The following IQSEC3 variants were observed in gnomAD, a reference collection of about 807,000 sequenced individuals.
The protein encoded by IQSEC3 is IQ motif and SEC7 domain-containing protein 3.
In IQSEC3, 50 loss-of-function variants were observed where a neutral mutation model predicts 105.4. That is an observed-to-expected ratio of 0.47 (90% CI 0.38 to 0.60). The LOEUF (loss-of-function observed/expected upper bound fraction) is 0.60, where lower values mean the gene tolerates loss of function less well. Ranked by LOEUF, IQSEC3 falls within the 20% of genes least tolerant of loss-of-function variation. The pLI is 0.00. For synonymous variants in IQSEC3, 708 were observed against 746.0 expected, an observed-to-expected ratio of 0.95 and a Z score of 0.83; for missense variants, 1,415 against 1,630.0, an observed-to-expected ratio of 0.87 and a Z score of 2.27.
intron 11 of IQSEC3, among the ~76,000 whole-genome samples, chr12:168,451 CT>C (rs1555099176): frequency 6.6e-6 from 1 of 152,176 alleles, no homozygotes; most frequent in Non-Finnish European, 1.5e-5. Flanking sequence ...GGTGTCACCC[CT>C]GTCAGCAGGC....
intron 2 of IQSEC3, among the ~76,000 whole-genome samples, chr12:107,150 C>A (rs529991068): frequency 1.3e-5 from 2 of 152,340 alleles, no homozygotes; most frequent in South Asian, 4.1e-4. Context: ...TTAGCACCCT[C>A]AAGTTAAAGT....
chr12:79,821 C>A (rs537674618), intron 1 of IQSEC3, among the ~76,000 whole-genome samples: 3 of 152,158 alleles, frequency 2.0e-5, no homozygotes, highest in Non-Finnish European at 4.4e-5. Context: ...CTGCCCGCCC[C>A]CACACCTTCC....
At chr12:97,993 T>C (rs1435191552) in intron 1 of IQSEC3, among the ~76,000 whole-genome samples, 1 of 152,216 alleles carries the variant, frequency 6.6e-6, no homozygotes, top group Non-Finnish European at 1.5e-5. Context: ...GGAGATATTC[T>C]ACTTTTGTTG....
intron 1 of IQSEC3, among the ~76,000 whole-genome samples, chr12:78,500 C>A (rs1242423203): frequency 8.3e-6 from 1 of 120,012 alleles, no homozygotes; most frequent in Non-Finnish European, 1.8e-5. Context: ...CCCAAGACAC[C>A]TCAGCAAAAA....
chr12:112,661 T>C (rs1864931449), intron 2 of IQSEC3, among the ~76,000 whole-genome samples: 2 of 152,158 alleles, frequency 1.3e-5, no homozygotes, highest in South Asian at 4.1e-4. Context: ...GGTTGCACTG[T>C]CTAATCCCCA....
chr12:107,402 CTTTTTTTTTTT>C (rs58053657), intron 2 of IQSEC3, among the ~76,000 whole-genome samples: 4 of 75,984 alleles, frequency 5.3e-5, no homozygotes, highest in Admixed American at 4.0e-4. Flanking sequence ...AGTCTGTTTT[CTTTTTTTTTTT>C]TTTTTTTTTT....
intron 7 of IQSEC3, among the ~76,000 whole-genome samples, chr12:158,562 C>G (rs1866778239): frequency 6.6e-6 from 1 of 152,230 alleles, no homozygotes; most frequent in Admixed American, 6.5e-5. Flanking sequence ...CCAAGAGTAA[C>G]AACTATTCTG....
intron 1 of IQSEC3, among the ~76,000 whole-genome samples, chr12:85,824 C>T (rs112371104): frequency 0.034 from 5,122 of 152,210 alleles, 252 homozygotes; most frequent in African/African-American, 0.11. Context: ...CTGCCTTGAG[C>T]GTGTGTTGAT....
intron 2 of IQSEC3, among the ~76,000 whole-genome samples, chr12:109,535 C>T (rs1254135987): frequency 6.6e-6 from 1 of 152,174 alleles, no homozygotes; most frequent in Non-Finnish European, 1.5e-5. Flanking sequence ...TCCTGACAAA[C>T]AGCCATCTAG....
chr12:169,955 G>A (rs782367698), intron 12 of IQSEC3, among the ~76,000 whole-genome samples: 5 of 152,214 alleles, frequency 3.3e-5, no homozygotes, highest in Non-Finnish European at 5.9e-5. Flanking sequence ...ATAGTGAGAC[G>A]CCAGCTTGAG....
chr12:135,722 CT>C (rs1385546136), intron 3 of IQSEC3, among the ~76,000 whole-genome samples: 2 of 152,338 alleles, frequency 1.3e-5, no homozygotes, highest in Non-Finnish European at 2.9e-5. Flanking sequence ...AAGGACCAAG[CT>C]ATCAGGTTAT....
At chr12:89,311 T>TG (rs150477890) in intron 1 of IQSEC3, among the ~76,000 whole-genome samples, 4,338 of 152,118 alleles carry the variant, frequency 0.029, 197 homozygotes, top group African/African-American at 0.098. Context: ...TTCTACTGCT[T>TG]GGAAGGGGGT....
Position 114,532 on chromosome 12 carries a change from A to G in IQSEC3, c.624-11101A>G, listed in dbSNP as rs532480670. Among the ~76,000 whole-genome samples the G allele has an allele frequency of 2.1e-4, 32 of 152,354 alleles. No homozygotes were observed. In the East Asian group the frequency reaches 2.5e-3, roughly 12 times the overall value. ...GAAAGAGAGAGACTCTGAGAACTGA[A>G]GGACAAATTTGGGGAAGAGATCAAA... On this transcript the variant is annotated intron_variant, in intron 2 of 13. Transcript: ENST00000538872.
Position 110,433 on chromosome 12 carries a change from G to A in IQSEC3, c.623+11219G>A, listed in dbSNP as rs537776300. On this transcript the variant is annotated intron_variant, in intron 2 of 13. Coordinates refer to ENST00000538872, the MANE Select transcript of IQSEC3 (RefSeq NM_001170738.2). ...TCTTCTCTTTTTATTGTTGGATCTC[G>A]AATGCTTTCAAGACATTTTGTGTTC... 1.5e-4 allele frequency among the ~76,000 whole-genome samples: 22 copies of A among 151,482 alleles called. 1 individual carries two copies. The highest frequency in any genetic ancestry group is 2.8e-4 in the Non-Finnish European group (19 of 67,976).
At chr12:147,413 A>G (rs1175399762) in intron 5 of IQSEC3, among the ~76,000 whole-genome samples, 3 of 152,182 alleles carry the variant, frequency 2.0e-5, no homozygotes, top group East Asian at 1.9e-4. Context: ...TCTGTACCCA[A>G]TGAAGGCACT....
At chr12:89,881 A>G (rs977749421) in intron 1 of IQSEC3, among the ~76,000 whole-genome samples, 2 of 152,240 alleles carry the variant, frequency 1.3e-5, no homozygotes, top group Admixed American at 1.3e-4. Flanking sequence ...GGTTTTTTAC[A>G]TACATGAATA....
rs148953098 is a variant in IQSEC3, at chr12:106,326, A to G, written c.623+7112A>G. Among the ~76,000 whole-genome samples the G allele has an allele frequency of 4.9e-3, 740 of 152,330 alleles. 5 individuals carry two copies. The highest frequency in any genetic ancestry group is 4.8e-3 in the Non-Finnish European group (326 of 68,030). ...CAGGTGTTGTCAAGTATGGGAAGCG[A>G]AAGTGAGGCAGGAAGGTGAACAGCT... On this transcript the variant is annotated intron_variant, in intron 2 of 13. Transcript: ENST00000538872.
intron 1 of IQSEC3, among the ~76,000 whole-genome samples, chr12:83,319 C>T (rs1484533073): frequency 6.6e-6 from 1 of 152,096 alleles, no homozygotes; most frequent in Non-Finnish European, 1.5e-5. Flanking sequence ...CGAACAAAGC[C>T]CCTGCCGTCA....
chr12:168,366 C>T (rs941906701), intron 11 of IQSEC3, among the ~76,000 whole-genome samples: 6 of 152,146 alleles, frequency 3.9e-5, no homozygotes, highest in East Asian at 3.9e-4. Flanking sequence ...GAACACCTTG[C>T]GGAGGCTCAG....
Sources: allele counts gnomAD v4.1 joint callset (sites outside exome capture counted in the v4.1 genomes callset), GRCh38; gene constraint gnomAD v4.1.1; transcripts MANE v1.5; gene names NCBI Gene and HGNC (gene_info 2026-07-23, HGNC 2026-07-21).